Variants in CYTH3 observed in about 807,000 individuals in gnomAD.
The protein encoded by CYTH3 is cytohesin 3, also known as cytohesin-3.
Under a neutral mutation model 55.1 loss-of-function variants are expected in CYTH3, and 23 were observed. The observed-to-expected ratio is 0.42, with a 90% CI of 0.30 to 0.59. CYTH3 has a LOEUF of 0.59. Among genes scored for constraint, CYTH3 ranks in the 20% least tolerant of loss-of-function variants. The pLI, the probability that CYTH3 is intolerant of heterozygous loss-of-function variation, is 0.20. For synonymous variants in CYTH3, 249 were observed against 194.9 expected (o/e 1.28, Z -2.31); for missense variants, 413 against 524.8 (o/e 0.79, Z 2.08).
At position 6,165,432 on chromosome 7, in the gene CYTH3, T is replaced by C; in HGVS notation, c.973-5A>G. 1 of 1,611,246 alleles carries C rather than the reference T, an allele frequency of 6.2e-7. No individual in the cohort carries two copies. The highest frequency in any genetic ancestry group is 8.5e-7 in the Non-Finnish European group (1 of 1,178,302). On this transcript the variant is annotated splice_region_variant and splice_polypyrimidine_tract_variant and intron_variant, in intron 11 of 12. Coordinates refer to ENST00000350796, the MANE Select transcript of CYTH3 (RefSeq NM_004227.4). ...ATTGTAGAGCTCAAAACAGTTCTGG[T>C]GGAGAAAGAGAGAGGGGAGGCGGTC...
chr7:6,214,556 C>A (rs1784386975), intron 1 of CYTH3, among the ~76,000 whole-genome samples: 1 of 152,076 alleles, frequency 6.6e-6, no homozygotes, highest in African/African-American at 2.4e-5. Context: ...CATTTTCAGC[C>A]CTGGAGTTCC....
In CYTH3 at chr7:6,162,276, C is replaced by G. The variant is rs1782853040; in HGVS notation, c.*2668G>C. 1 of 152,242 alleles carries G rather than the reference C, an allele frequency of 6.6e-6. No individual in the cohort carries two copies. The highest frequency in any genetic ancestry group is 1.5e-5 in the Non-Finnish European group (1 of 68,042). 9.4% of individuals were successfully genotyped at this position (152,242 alleles called of 1,614,324 possible). ...TAAACTCAAATATGAACCAGGGCGG[C>G]CAGCAAGACAGGCTGGAAGGGCTGT... On this transcript the variant is annotated 3_prime_UTR_variant, in exon 13 of 13. Transcript: ENST00000350796.
chr7:6,223,704 G>A (rs568813280), intron 1 of CYTH3, among the ~76,000 whole-genome samples: 13 of 152,056 alleles, frequency 8.5e-5, no homozygotes, highest in African/African-American at 2.4e-4. Flanking sequence ...GCTGAAGGCC[G>A]AAGGGACCTC....
chr7:6,202,082 C>G (rs1434982449), intron 1 of CYTH3, among the ~76,000 whole-genome samples: 1 of 152,350 alleles, frequency 6.6e-6, no homozygotes, highest in African/African-American at 2.4e-5. Context: ...AGTGTTTTCT[C>G]TGGACTGGCT....
At chr7:6,174,802 C>T (rs942671170) in intron 5 of CYTH3, among the ~76,000 whole-genome samples, 1 of 152,184 alleles carries the variant, frequency 6.6e-6, no homozygotes, top group African/African-American at 2.4e-5. Context: ...CCACCTCGGC[C>T]TCCCAAAGTG....
intron 1 of CYTH3, among the ~76,000 whole-genome samples, chr7:6,244,613 C>T (rs1216371550): frequency 6.6e-6 from 1 of 152,170 alleles, no homozygotes; most frequent in African/African-American, 2.4e-5. Context: ...TACCAGTATA[C>T]ACCATCACAC....
intron 4 of CYTH3, among the ~76,000 whole-genome samples, chr7:6,180,003 C>T (rs1562881879): frequency 6.6e-6 from 1 of 152,076 alleles, no homozygotes; most frequent in Non-Finnish European, 1.5e-5. Flanking sequence ...TCCCTGAAAA[C>T]AGAGCCTAGG....
chr7:6,174,474 G>A (rs1480303344), intron 5 of CYTH3, among the ~76,000 whole-genome samples: 2 of 151,416 alleles, frequency 1.3e-5, no homozygotes, highest in Non-Finnish European at 2.9e-5. Flanking sequence ...AGCCTTGCTG[G>A]CATTTGTTAT....
chr7:6,241,236 G>A (rs184311628), intron 1 of CYTH3, among the ~76,000 whole-genome samples: 1 of 152,356 alleles, frequency 6.6e-6, no homozygotes, highest in East Asian at 1.9e-4. Context: ...TGGTGAAGTG[G>A]AAGATAACAT....
At chr7:6,165,056 G>GAC (rs770821944) in intron 12 of CYTH3, 40 bp from the exon 13 acceptor site, 2 of 1,610,020 alleles carry the variant, frequency 1.2e-6, no homozygotes, top group Non-Finnish European at 8.5e-7. Flanking sequence ...GGTCGTGGGT[G>GAC]ACACACAGAC....
At chr7:6,244,223 G>A (rs183915758) in intron 1 of CYTH3, among the ~76,000 whole-genome samples, 2 of 152,186 alleles carry the variant, frequency 1.3e-5, no homozygotes, top group Admixed American at 1.3e-4. Context: ...AACAGCCTGG[G>A]GGGAAAAAAA....
At chr7:6,189,495 G>C (rs979623686) in intron 2 of CYTH3, among the ~76,000 whole-genome samples, 15 of 151,830 alleles carry the variant, frequency 9.9e-5, no homozygotes, top group African/African-American at 3.4e-4. Flanking sequence ...TTTTTGTAGA[G>C]ATGGGGTTTG....
chr7:6,185,335 A>G (rs1287977498), intron 4 of CYTH3, among the ~76,000 whole-genome samples: 2 of 151,370 alleles, frequency 1.3e-5, no homozygotes, highest in Non-Finnish European at 2.9e-5. Flanking sequence ...CTGTAATCCC[A>G]GCACTTTTGG....
intron 1 of CYTH3, among the ~76,000 whole-genome samples, chr7:6,238,064 T>C (rs1386355899): frequency 6.6e-6 from 1 of 152,214 alleles, no homozygotes; most frequent in Non-Finnish European, 1.5e-5. Flanking sequence ...AAATGCATTT[T>C]AAATATCCTA....
At chr7:6,208,339 CA>C (rs1426116542) in intron 1 of CYTH3, among the ~76,000 whole-genome samples, 1 of 152,166 alleles carries the variant, frequency 6.6e-6, no homozygotes, top group Non-Finnish European at 1.5e-5. Flanking sequence ...CTCTTGACAA[CA>C]AACATGCCAA....
At chr7:6,211,562 G>C (rs1784319605) in intron 1 of CYTH3, among the ~76,000 whole-genome samples, 1 of 152,236 alleles carries the variant, frequency 6.6e-6, no homozygotes, top group Non-Finnish European at 1.5e-5. Context: ...TGAGGCAGAA[G>C]GATCATCTGA....
At chr7:6,231,206 T>A (rs1346567987) in intron 1 of CYTH3, among the ~76,000 whole-genome samples, 1 of 152,214 alleles carries the variant, frequency 6.6e-6, no homozygotes, top group East Asian at 1.9e-4. Flanking sequence ...TCTGTTTAGT[T>A]AGTAGGGAAC....
At position 6,164,686 on chromosome 7, in the gene CYTH3, C is replaced by A; in HGVS notation, c.*258G>T. On this transcript the variant is annotated 3_prime_UTR_variant, in exon 13 of 13. Coordinates refer to ENST00000350796, the MANE Select transcript of CYTH3 (RefSeq NM_004227.4). ...CATGCGCAGCCGACCATGACCCCAG[C>A]CACGGCAGGAGGCCTCGAGGATCAG... 1.9e-6 allele frequency: 1 copy of A among 538,178 alleles called. No individual in the cohort carries two copies. The highest frequency in any genetic ancestry group is 3.3e-6 in the Non-Finnish European group (1 of 302,022). 33.3% of individuals were successfully genotyped at this position (538,178 alleles called of 1,614,324 possible).
chr7:6,181,766 C>T (rs954456823), intron 4 of CYTH3, among the ~76,000 whole-genome samples: 6 of 152,086 alleles, frequency 3.9e-5, no homozygotes, highest in African/African-American at 9.7e-5. Context: ...CTGGACCCAC[C>T]GTGCATGTTT....
Sources: allele counts gnomAD v4.1 joint callset (sites outside exome capture counted in the v4.1 genomes callset), GRCh38; gene constraint gnomAD v4.1.1; transcripts MANE v1.5; gene names NCBI Gene and HGNC (gene_info 2026-07-23, HGNC 2026-07-21).